Variants in PTCHD1 observed in about 807,000 individuals in gnomAD.
PTCHD1 encodes the protein patched domain-containing protein 1.
Under a neutral mutation model 34.6 loss-of-function variants are expected in PTCHD1, and 3 were observed. That is an observed-to-expected ratio of 0.09 (90% CI 0.04 to 0.22). PTCHD1 has a LOEUF of 0.22. Among genes scored for constraint, PTCHD1 ranks in the 10% least tolerant of loss-of-function variants. The pLI is 1.00. For missense variants in PTCHD1, 504 were observed against 685.5 expected, an observed-to-expected ratio of 0.74 and a Z score of 2.96; for synonymous variants, 305 against 283.1, an observed-to-expected ratio of 1.08 and a Z score of -0.77.
chrX:23,371,591 G>A (rs1922279909), intron 1 of PTCHD1, among the ~76,000 whole-genome samples: 1 of 111,349 alleles, frequency 9.0e-6, no homozygotes, highest in Admixed American at 9.5e-5. Flanking sequence ...GCTGGAAATA[G>A]ATATGATATG....
intron 1 of PTCHD1, among the ~76,000 whole-genome samples, chrX:23,345,656 C>T (rs1921454888): frequency 9.0e-6 from 1 of 111,308 alleles, no homozygotes; most frequent in Non-Finnish European, 1.9e-5. Flanking sequence ...CTGACAGGTT[C>T]GCAAGGTGAT....
At chrX:23,360,755 A>C (rs1350157636) in intron 1 of PTCHD1, among the ~76,000 whole-genome samples, 1 of 111,786 alleles carries the variant, frequency 8.9e-6, no homozygotes, top group East Asian at 2.8e-4. Flanking sequence ...TGTCAACTTT[A>C]CATCTTTCCT....
rs748130989 is a variant in PTCHD1, at chrX:23,338,178, G to A, written c.351+2952G>A. 2.7e-5 allele frequency among the ~76,000 whole-genome samples: 3 copies of A among 111,965 alleles called. No homozygotes were observed. In the South Asian group the frequency reaches 1.1e-3, roughly 42 times the overall value. On this transcript the variant is annotated intron_variant, in intron 1 of 2. Transcript: ENST00000379361. The stretch of plus-strand genomic sequence containing the variant: ...TTTCCCCTGAAGGCTACAGGGCAAC[G>A]ATGCATTATTAGGCAAAAGTGGGTA...
At chrX:23,384,936 G>A (rs141451303) in intron 2 of PTCHD1, among the ~76,000 whole-genome samples, 1 of 111,871 alleles carries the variant, frequency 8.9e-6, no homozygotes, top group South Asian at 3.7e-4. Context: ...GCAACAATAT[G>A]ACAATTTTGC....
chrX:23,393,860 T>G lies in PTCHD1; in HGVS notation c.2342T>G (p.Phe781Cys). ...TCCACATTTGTTCTGGGCAAGGATTTCACAAGAACTAAATGGGTAAAAAAT... is the reference window on the plus strand; with the variant it reads ...TCCACATTTGTTCTGGGCAAGGATTGCACAAGAACTAAATGGGTAAAAAAT... ...MLSTFVLGKD[F>C]TRTKWVKNAL... is the part of the protein sequence containing the mutation. The change falls in exon 3 of 3, where the codon TTC becomes TGC. Residue 781 changes from phenylalanine (F) to cysteine (C), a missense_variant. Phe to Cys is a radical substitution (Grantham distance 205). Coordinates refer to ENST00000379361, the MANE Select transcript of PTCHD1 (RefSeq NM_173495.3). The G allele has an allele frequency of 5.9e-5, 71 of 1,211,712 alleles. 1 individual carries two copies. Among genetic ancestry groups the G allele is most frequent in the Non-Finnish European group, 7.8e-5 (70 of 895,376 alleles).
In PTCHD1 at chrX:23,396,877, G is replaced by C. The variant is rs1170747420; in HGVS notation, c.*2692G>C. The C allele has an allele frequency of 8.9e-6, 1 of 111,846 alleles. No homozygotes were observed. The highest frequency in any genetic ancestry group is 1.9e-5 in the Non-Finnish European group (1 of 53,146). The allele number at this position is 111,846 out of a possible 1,213,427, so 9.2% of individuals were successfully genotyped here. A position where few individuals can be genotyped will look rare whatever the true frequency, so the allele number is the denominator to read the frequency against. ...TTGTTAATACTGATTATTGATTATT[G>C]CTCTGCTGCATTGGTTTAGCCCCGC... On this transcript the variant is annotated 3_prime_UTR_variant, in exon 3 of 3. Coordinates refer to ENST00000379361, the MANE Select transcript of PTCHD1 (RefSeq NM_173495.3).
chrX:23,392,874 G>A lies in PTCHD1; in HGVS notation c.1356G>A (p.Glu452=). ...TCCCAAAGCCTGAGGCATTGCAGGA[G>A]AAGCCGGCATGGTACAGGTTTCTCC... The part of the protein sequence containing the change: ...RKVPKPEALQ[E]KPAWYRFLLT... The change falls in exon 3 of 3, where the codon GAG becomes GAA. Residue 452 remains glutamate, a synonymous_variant. Transcript: ENST00000379361. 8.3e-7 allele frequency: 1 copy of A among 1,211,851 alleles called. No individual in the cohort carries two copies.
chrX:23,371,542 T>C (rs1287751299), intron 1 of PTCHD1, among the ~76,000 whole-genome samples: 1 of 111,598 alleles, frequency 9.0e-6, no homozygotes, highest in African/African-American at 3.3e-5. Flanking sequence ...CTGCTTAGAA[T>C]TGAGATAGTA....
rs1452597411 is a variant in PTCHD1 at position 23,393,980 on chromosome X, G to A, written c.2462G>A (p.Cys821Tyr). ...GCAGCTGTGCCTTCAAATCTGACCT[G>A]TACACTGTTCAGGTGCTTGTTTTTA... Reference protein sequence around the residue: ...PLAAVPSNLTCTLFRCLFLIA... With the variant: ...PLAAVPSNLTYTLFRCLFLIA... Residue 821 changes from cysteine (C) to tyrosine (Y), a missense_variant, in exon 3 of 3, where the codon TGT becomes TAT. Coordinates refer to ENST00000379361, the MANE Select transcript of PTCHD1 (RefSeq NM_173495.3). 10 of 1,208,193 alleles carry A rather than the reference G, an allele frequency of 8.3e-6. No individual in the cohort carries two copies. Among genetic ancestry groups the A allele is most frequent in the East Asian group, 3.0e-5 (1 of 33,725 alleles).
At chrX:23,375,779 A>G (rs764421812) in intron 1 of PTCHD1, among the ~76,000 whole-genome samples, 10 of 111,897 alleles carry the variant, frequency 8.9e-5, no homozygotes, top group African/African-American at 1.3e-4. Flanking sequence ...TAGTATCACC[A>G]TTGCCACAGA....
intron 2 of PTCHD1, 85 bp from the exon 3 acceptor site, chrX:23,392,446 C>T (rs1207694916): frequency 1.6e-6 from 1 of 633,809 alleles, no homozygotes; most frequent in East Asian, 3.3e-5. Context: ...TCCTTTGACC[C>T]AGTAGTCCCT....
Position 23,351,427 on chromosome X carries a change from C to A in PTCHD1, c.351+16201C>A, listed in dbSNP as rs1921630808. 20 of 556,108 alleles carry A rather than the reference C, an allele frequency of 3.6e-5. No homozygotes were observed. In the South Asian group the frequency reaches 4.7e-4, roughly 13 times the overall value. The allele number at this position is 556,108 out of a possible 1,213,427, so 45.8% of individuals were successfully genotyped here. A position where few individuals can be genotyped will look rare whatever the true frequency, so the allele number is the denominator to read the frequency against. On this transcript the variant is annotated intron_variant, in intron 1 of 2. Transcript: ENST00000379361. ...CGAAAACTTTCAAAGATGACTAGCACAGAACCCTCTCTTTTGGAAAACATA... is the reference window on the plus strand; with the variant it reads ...CGAAAACTTTCAAAGATGACTAGCAAAGAACCCTCTCTTTTGGAAAACATA...
In PTCHD1 at chrX:23,335,240, G is replaced by C; in HGVS notation, c.351+14G>C. 8.5e-7 allele frequency: 1 copy of C among 1,177,573 alleles called. No individual in the cohort carries two copies. Among genetic ancestry groups the C allele is most frequent in the East Asian group, 3.0e-5 (1 of 33,609 alleles). The stretch of plus-strand genomic sequence containing the variant: ...CTGATCTTAAAGGTGAGAGGGGACG[G>C]GTGCGGGCAGACTCCGCCAGCGCCG... On this transcript the variant is annotated intron_variant, in intron 1 of 2. Transcript: ENST00000379361.
rs1923064529 is a variant in PTCHD1, at chrX:23,399,243, G to T, written c.*5058G>T. ...TATTCACAGAGCTAATTAGAAACAGGAGACTATAATTGAAATCTAGTTTTT... is the reference window on the plus strand; with the variant it reads ...TATTCACAGAGCTAATTAGAAACAGTAGACTATAATTGAAATCTAGTTTTT... On this transcript the variant is annotated 3_prime_UTR_variant, in exon 3 of 3. Transcript: ENST00000379361. The T allele has an allele frequency of 9.0e-6, 1 of 111,630 alleles. No homozygotes were observed. Among genetic ancestry groups the T allele is most frequent in the South Asian group, 3.8e-4 (1 of 2,643 alleles). 9.2% of individuals were successfully genotyped at this position (111,630 alleles called of 1,213,427 possible). A position where few individuals can be genotyped will look rare whatever the true frequency, so the allele number is the denominator to read the frequency against.
chrX:23,404,190 T>G lies in PTCHD1; in HGVS notation c.*10005T>G, dbSNP rs1379738894. On this transcript the variant is annotated 3_prime_UTR_variant, in exon 3 of 3. Coordinates refer to ENST00000379361, the MANE Select transcript of PTCHD1 (RefSeq NM_173495.3). ...TAAAATCCCATCTTCCAATGAAGCA[T>G]CCTGTTTTCAATACTGATATCAAAT... 2 of 112,517 alleles carry G rather than the reference T, an allele frequency of 1.8e-5. No homozygotes were observed. Among genetic ancestry groups the G allele is most frequent in the Non-Finnish European group, 3.8e-5 (2 of 53,321 alleles). 9.3% of individuals were successfully genotyped at this position (112,517 alleles called of 1,213,427 possible).
chrX:23,362,269 C>T (rs754788238), intron 1 of PTCHD1, among the ~76,000 whole-genome samples: 18 of 111,944 alleles, frequency 1.6e-4, no homozygotes, highest in Non-Finnish European at 2.6e-4. Context: ...CCATTCTCCC[C>T]GTCACTTTCA....
chrX:23,372,912 A>C (rs2146636499), intron 1 of PTCHD1, among the ~76,000 whole-genome samples: 1 of 111,988 alleles, frequency 8.9e-6, no homozygotes, highest in African/African-American at 3.2e-5. Flanking sequence ...TCTAATCAGA[A>C]AGTTCAACTT....
intron 1 of PTCHD1, among the ~76,000 whole-genome samples, chrX:23,337,939 T>G (rs962949691): frequency 6.3e-5 from 7 of 111,388 alleles, no homozygotes; most frequent in Non-Finnish European, 3.8e-5. Context: ...AAAAATAGAC[T>G]GGGAGGGAGT....
At chrX:23,342,262 C>A in intron 1 of PTCHD1, among the ~76,000 whole-genome samples, 1 of 71,549 alleles carries the variant, frequency 1.4e-5, no homozygotes, top group African/African-American at 4.3e-5. Context: ...TGCTGTGTTT[C>A]TCCCTATATA....
Sources: allele counts gnomAD v4.1 joint callset (sites outside exome capture counted in the v4.1 genomes callset), GRCh38; gene constraint gnomAD v4.1.1; transcripts MANE v1.5; gene names NCBI Gene and HGNC (gene_info 2026-07-23, HGNC 2026-07-21).